Variants in STAT5B observed in about 807,000 individuals in gnomAD.
The protein encoded by STAT5B is signal transducer and activator of transcription 5B.
STAT5B carries 21 observed loss-of-function variants against 107.8 expected under a neutral mutation model. That is an observed-to-expected ratio of 0.19 (90% CI 0.14 to 0.28). The LOEUF (loss-of-function observed/expected upper bound fraction) is 0.28, where lower values mean the gene tolerates loss of function less well. Ranked by LOEUF, STAT5B falls within the 10% of genes least tolerant of loss-of-function variation. The pLI, the probability that STAT5B is intolerant of heterozygous loss-of-function variation, is 1.00. For synonymous variants in STAT5B, 325 were observed against 401.7 expected, an observed-to-expected ratio of 0.81 and a Z score of 2.28; for missense variants, 565 against 1,008.2, an observed-to-expected ratio of 0.56 and a Z score of 5.95.
intron 2 of STAT5B, among the ~76,000 whole-genome samples, chr17:42,229,358 C>G (rs2080299864): frequency 6.6e-6 from 1 of 151,152 alleles, no homozygotes; most frequent in Admixed American, 6.6e-5. Context: ...CCATGTTGGC[C>G]AGGCTGGTCT....
intron 12 of STAT5B, among the ~76,000 whole-genome samples, chr17:42,212,624 G>A (rs1235061280): frequency 6.6e-5 from 10 of 152,206 alleles, no homozygotes; most frequent in Non-Finnish European, 8.8e-5. Flanking sequence ...CATTGCCCTC[G>A]ACTCCTTCTG....
chr17:42,239,888 C>T (rs1020153003), intron 1 of STAT5B, among the ~76,000 whole-genome samples: 1 of 152,062 alleles, frequency 6.6e-6, no homozygotes, highest in Non-Finnish European at 1.5e-5. Context: ...CACTTTGGGA[C>T]GCTGAGGCGG....
intron 1 of STAT5B, among the ~76,000 whole-genome samples, chr17:42,263,871 G>GCGCGCACA (rs1007528555): frequency 2.8e-5 from 4 of 145,030 alleles, no homozygotes; most frequent in Admixed American, 7.0e-5. Flanking sequence ...TAGAAAGCGC[G>GCGCGCACA]CACACACACA....
chr17:42,218,767 C>T lies in STAT5B; in HGVS notation c.945G>A (p.Glu315=), dbSNP rs763508760. The T allele has an allele frequency of 1.9e-6, 3 of 1,612,896 alleles. No individual in the cohort carries two copies. Among genetic ancestry groups the T allele is most frequent in the East Asian group, 2.2e-5 (1 of 44,854 alleles). Residue 315 remains glutamate, a synonymous_variant, in exon 8 of 19, where the codon GAG becomes GAA. Coordinates refer to ENST00000293328, the MANE Select transcript of STAT5B (RefSeq NM_012448.4). ...TAATGTCCGTGATGGTGGCGTTGAC[C>T]TCGGCCAGCATCTCCTCCACTGGGC... ...IPGPVEEMLA[E]VNATITDIIS... is the part of the protein sequence containing the mutation.
At chr17:42,211,888 G>C (rs1369103360) in intron 13 of STAT5B, 96 bp downstream of exon 13, 4 of 1,524,438 alleles carry the variant, frequency 2.6e-6, no homozygotes, top group South Asian at 2.4e-5. Flanking sequence ...CATTTTATTA[G>C]AGACATGAAG....
chr17:42,262,824 GTGTATATATACACACATA>G, intron 1 of STAT5B, among the ~76,000 whole-genome samples: 1 of 110,784 alleles, frequency 9.0e-6, no homozygotes, highest in South Asian at 2.9e-4. Flanking sequence ...ACATATATAT[GTGTATATATACACACATA>G]TATATGTATA....
chr17:42,275,695 A>G (rs1487651788), intron 1 of STAT5B: 1 of 151,242 alleles, frequency 6.6e-6, no homozygotes, highest in East Asian at 2.0e-4. Context: ...CCCGCCCCCC[A>G]GAGTCTTATC....
intron 1 of STAT5B, 134 bp from the exon 2 acceptor site, chr17:42,232,271 GAC>G: frequency 2.0e-6 from 2 of 976,810 alleles, no homozygotes; most frequent in Non-Finnish European, 2.6e-6. Context: ...ATTTTTTTGA[GAC>G]AGTCTCGCTC....
At chr17:42,273,506 T>C (rs2080738099) in intron 1 of STAT5B, among the ~76,000 whole-genome samples, 1 of 152,232 alleles carries the variant, frequency 6.6e-6, no homozygotes, top group Non-Finnish European at 1.5e-5. Context: ...ACTAGGGTTA[T>C]TTTGCTTCCT....
rs78906147 is a variant in STAT5B at position 42,247,458 on chromosome 17, C to T, written c.-10-15321G>A. Among the ~76,000 whole-genome samples the T allele has an allele frequency of 8.6e-3, 1,313 of 152,234 alleles. 22 individuals carry two copies. The highest frequency in any genetic ancestry group is 0.03 in the African/African-American group (1,254 of 41,534). ...TGAATATGTTTTAGTTAAAACAATA[C>T]AAAACTGAAATCTCCTCTTTTAAGA... is the stretch of plus-strand genomic sequence containing the variant. On this transcript the variant is annotated intron_variant, in intron 1 of 18. Coordinates refer to ENST00000293328, the MANE Select transcript of STAT5B (RefSeq NM_012448.4).
At chr17:42,224,954 G>T in intron 3 of STAT5B, 86 bp from the exon 4 acceptor site, 1 of 1,372,092 alleles carries the variant, frequency 7.3e-7, no homozygotes. Context: ...GCCTCCTGAG[G>T]GACCTCCTGA....
upstream of STAT5B, among the ~76,000 whole-genome samples, chr17:42,279,175 C>A (rs2080784850): frequency 6.7e-6 from 1 of 150,138 alleles, no homozygotes; most frequent in African/African-American, 2.5e-5. Flanking sequence ...CAGAGTGAGA[C>A]CTGTCTCAAA....
chr17:42,231,570 G>C (rs1482630742), intron 2 of STAT5B, among the ~76,000 whole-genome samples: 1 of 152,120 alleles, frequency 6.6e-6, no homozygotes. Context: ...TTGAACTCCT[G>C]GGCTCAAGCA....
chr17:42,201,204 CTCTCTT>C lies in STAT5B; in HGVS notation c.*528_*533del, dbSNP rs2080040934. 1.4e-5 allele frequency: 6 copies of C among 415,646 alleles called. No homozygotes were observed. Among genetic ancestry groups the C allele is most frequent in the African/African-American group, 1.0e-4 (5 of 48,952 alleles). The allele number at this position is 415,646 out of a possible 1,614,324, so 25.7% of individuals were successfully genotyped here. ...ACACAGGGGTGGGGGAGAGGGAAGG[CTCTCTT>C]TGTCAAAAAGCAGTTATCTACATTT... On this transcript the variant is annotated 3_prime_UTR_variant, in exon 19 of 19. Coordinates refer to ENST00000293328, the MANE Select transcript of STAT5B (RefSeq NM_012448.4).
intron 1 of STAT5B, chr17:42,270,626 T>A (rs1019291460): frequency 6.6e-6 from 1 of 152,114 alleles, no homozygotes; most frequent in Admixed American, 6.5e-5. Flanking sequence ...ATCCTAAACA[T>A]ATAAAAATAT....
chr17:42,231,978 G>A (rs762220912), intron 2 of STAT5B, 22 bp downstream of exon 2: 1 of 1,613,162 alleles, frequency 6.2e-7, no homozygotes, highest in Non-Finnish European at 8.5e-7. Context: ...AAAATATGAT[G>A]CAAACATCCT....
chr17:42,224,510 T>A (rs1205566775), intron 4 of STAT5B, among the ~76,000 whole-genome samples: 2 of 151,962 alleles, frequency 1.3e-5, no homozygotes, highest in African/African-American at 4.8e-5. Flanking sequence ...CAGCTAATTT[T>A]TTTGTATTTT....
At chr17:42,214,647 C>G in intron 12 of STAT5B, 3 of 984,614 alleles carry the variant, frequency 3.0e-6, no homozygotes, top group Non-Finnish European at 3.6e-6. Flanking sequence ...GTTGGATATA[C>G]TTAGAGAAGG....
Position 42,265,284 on chromosome 17 carries a change from A to G in STAT5B, c.-11+10964T>C, listed in dbSNP as rs570771478. 7.9e-5 allele frequency among the ~76,000 whole-genome samples: 12 copies of G among 152,068 alleles called. 2 individuals are homozygous for G. The South Asian group carries it at 1.9e-3, about 24-fold the overall frequency. Reference sequence around the variant, plus strand: ...TGTTTTAGACATGAAGTCCTTGCCCATGCCTATTTGTACAAATCTTTAAAC... The same window carrying G: ...TGTTTTAGACATGAAGTCCTTGCCCGTGCCTATTTGTACAAATCTTTAAAC... On this transcript the variant is annotated intron_variant, in intron 1 of 18. Transcript: ENST00000293328.
Sources: gnomAD v4.1 joint callset for allele counts (sites outside exome capture counted in the v4.1 genomes callset) on GRCh38, gnomAD v4.1.1 for gene constraint, MANE v1.5 for transcripts, NCBI Gene and HGNC (gene_info 2026-07-23, HGNC 2026-07-21) for gene names.